The following WBP1L variants were observed in gnomAD, a reference collection of about 807,000 sequenced individuals.
The protein encoded by WBP1L is WW domain binding protein 1-like.
In WBP1L, 17 loss-of-function variants were observed where a neutral mutation model predicts 33.7. The observed-to-expected ratio is 0.50, with a 90% CI of 0.34 to 0.76. The LOEUF is 0.76. Among genes scored for constraint, WBP1L ranks in the 30% least tolerant of loss-of-function variants. The probability of loss-of-function intolerance (pLI) is 0.01; values close to 1 mark genes in which losing one functional copy is unlikely to be tolerated. For synonymous variants in WBP1L, 173 were observed against 190.8 expected (o/e 0.91, Z 0.77); for missense variants, 389 against 469.4 (o/e 0.83, Z 1.58).
intron 1 of WBP1L, among the ~76,000 whole-genome samples, chr10:102,748,205 G>A (rs1391964398): frequency 1.3e-5 from 2 of 151,676 alleles, no homozygotes; most frequent in Non-Finnish European, 2.9e-5. Context: ...GCAGTGAGCC[G>A]AGGTCGCGCC....
intron 2 of WBP1L, among the ~76,000 whole-genome samples, chr10:102,798,760 C>T (rs1486182136): frequency 6.6e-6 from 1 of 152,222 alleles, no homozygotes; most frequent in African/African-American, 2.4e-5. Context: ...GCAAGCCAAG[C>T]TACTATGAAT....
intron 1 of WBP1L, among the ~76,000 whole-genome samples, chr10:102,773,733 TA>T (rs1303791630): frequency 2.0e-5 from 3 of 151,728 alleles, no homozygotes; most frequent in African/African-American, 7.3e-5. Context: ...AAATAAAAAT[TA>T]AAAAAACTTA....
At chr10:102,802,801 T>C (rs1843676490) in intron 2 of WBP1L, among the ~76,000 whole-genome samples, 1 of 152,164 alleles carries the variant, frequency 6.6e-6, no homozygotes, top group African/African-American at 2.4e-5. Context: ...GGGCCCTGTG[T>C]TTCTTTATGG....
At chr10:102,786,175 G>C (rs946068708) in intron 1 of WBP1L, among the ~76,000 whole-genome samples, 18 of 152,188 alleles carry the variant, frequency 1.2e-4, no homozygotes, top group Admixed American at 1.1e-3. Flanking sequence ...GTGTGGATGG[G>C]AGCGTAGCTA....
intron 1 of WBP1L, among the ~76,000 whole-genome samples, chr10:102,790,638 G>A (rs1843483488): frequency 6.6e-6 from 1 of 152,048 alleles, no homozygotes; most frequent in Non-Finnish European, 1.5e-5. Context: ...AGCGTCCGGA[G>A]TAGCTGGGAT....
In WBP1L at chr10:102,801,321, T is replaced by G. The variant is rs139247810; in HGVS notation, c.193+3226T>G. On this transcript the variant is annotated intron_variant, in intron 2 of 3. Transcript: ENST00000448841. ...ATCAGTTATTCATTCAGCAAACCCT[T>G]ATTCCAGTGCTCTTGAACTTTAGCA... Among the ~76,000 whole-genome samples the G allele has an allele frequency of 2.9e-3, 447 of 152,290 alleles. 3 individuals are homozygous for G. The highest frequency in any genetic ancestry group is 4.8e-3 in the Non-Finnish European group (324 of 68,030).
At chr10:102,788,187 G>C (rs959730973) in intron 1 of WBP1L, among the ~76,000 whole-genome samples, 4 of 142,440 alleles carry the variant, frequency 2.8e-5, no homozygotes, top group Non-Finnish European at 6.0e-5. Context: ...GGAGTGCAGT[G>C]GTGCGATCTC....
At position 102,806,409 on chromosome 10, in the gene WBP1L, C is replaced by A. The variant is rs141073736; in HGVS notation, c.194-3484C>A. ...TAAGCAGAGTGTCCACCCCAACAAC[C>A]CTAGGAGATGTTATCAAACTGCATC... On this transcript the variant is annotated intron_variant, in intron 2 of 3. Coordinates refer to ENST00000448841, the MANE Select transcript of WBP1L (RefSeq NM_001083913.2). 8.4e-4 allele frequency among the ~76,000 whole-genome samples: 128 copies of A among 152,180 alleles called. 5 individuals are homozygous for A. In the East Asian group the frequency reaches 0.022, roughly 26 times the overall value.
intron 1 of WBP1L, among the ~76,000 whole-genome samples, chr10:102,752,916 G>A (rs1208025639): frequency 2.0e-5 from 3 of 152,132 alleles, no homozygotes; most frequent in African/African-American, 4.8e-5. Context: ...TTGAGCCGTC[G>A]GGTCTTTGTT....
chr10:102,746,528 A>C (rs1160526131), intron 1 of WBP1L, among the ~76,000 whole-genome samples: 1 of 152,012 alleles, frequency 6.6e-6, no homozygotes, highest in African/African-American at 2.4e-5. Context: ...TTTGAATTTT[A>C]ACCTTCGGAA....
chr10:102,797,592 G>A (rs963679494), intron 1 of WBP1L, among the ~76,000 whole-genome samples: 2 of 151,478 alleles, frequency 1.3e-5, no homozygotes, highest in South Asian at 2.1e-4. Flanking sequence ...TCGCTCTGTC[G>A]CCCAGGCTGG....
intron 1 of WBP1L, among the ~76,000 whole-genome samples, chr10:102,753,354 T>C (rs1407791539): frequency 6.6e-6 from 1 of 152,140 alleles, no homozygotes; most frequent in Non-Finnish European, 1.5e-5. Context: ...TGGAGCAAAG[T>C]CTGGCCTGAA....
At chr10:102,787,017 G>C (rs1843425177) in intron 1 of WBP1L, among the ~76,000 whole-genome samples, 1 of 152,220 alleles carries the variant, frequency 6.6e-6, no homozygotes, top group African/African-American at 2.4e-5. Flanking sequence ...CTTATCAGAA[G>C]ATTTACTGGC....
At chr10:102,779,421 C>T (rs1843308357) in intron 1 of WBP1L, among the ~76,000 whole-genome samples, 1 of 151,938 alleles carries the variant, frequency 6.6e-6, no homozygotes, top group Non-Finnish European at 1.5e-5. Flanking sequence ...CCTCAGCCTC[C>T]CAGGTAGCTG....
At chr10:102,771,224 T>C (rs1278318174) in intron 1 of WBP1L, among the ~76,000 whole-genome samples, 1 of 152,186 alleles carries the variant, frequency 6.6e-6, no homozygotes, top group Non-Finnish European at 1.5e-5. Flanking sequence ...AAAGAATGAA[T>C]TCAGGTAGCT....
At chr10:102,790,065 T>C (rs1242879632) in intron 1 of WBP1L, among the ~76,000 whole-genome samples, 1 of 152,150 alleles carries the variant, frequency 6.6e-6, no homozygotes, top group African/African-American at 2.4e-5. Flanking sequence ...ATCAGTCTTA[T>C]ATAGAAAATT....
At chr10:102,804,801 C>T (rs2134064149) in intron 2 of WBP1L, among the ~76,000 whole-genome samples, 1 of 152,280 alleles carries the variant, frequency 6.6e-6, no homozygotes, top group Admixed American at 6.5e-5. Flanking sequence ...TGACATATAT[C>T]ACATCCAATC....
intron 1 of WBP1L, among the ~76,000 whole-genome samples, chr10:102,793,213 G>A (rs113674960): frequency 0.011 from 1,681 of 152,262 alleles, 26 homozygotes; most frequent in African/African-American, 0.038. Context: ...GGCCAAGATG[G>A]GACGATTGCT....
intron 2 of WBP1L, among the ~76,000 whole-genome samples, chr10:102,799,753 T>TC (rs930488234): frequency 6.0e-5 from 9 of 151,208 alleles, no homozygotes; most frequent in African/African-American, 1.2e-4. Context: ...CCCTTTCTCA[T>TC]CCCCCCCATC....
Sources: allele counts gnomAD v4.1 joint callset (sites outside exome capture counted in the v4.1 genomes callset), GRCh38; gene constraint gnomAD v4.1.1; transcripts MANE v1.5; gene names NCBI Gene and HGNC (gene_info 2026-07-23, HGNC 2026-07-21).